Variants in IMMP2L observed in about 807,000 individuals in gnomAD.
IMMP2L encodes the protein inner mitochondrial membrane peptidase subunit 2.
Under a neutral mutation model 19.3 loss-of-function variants are expected in IMMP2L, and 18 were observed. The ratio of observed to expected loss-of-function variants is 0.93; its 90% CI spans 0.64 to 1.38. The LOEUF (loss-of-function observed/expected upper bound fraction) is 1.38, where lower values mean the gene tolerates loss of function less well. Ranked by LOEUF, IMMP2L falls within the 40% of genes most tolerant of loss-of-function variation. The pLI is 0.00. For missense variants in IMMP2L, 233 were observed against 218.2 expected (o/e 1.07, Z -0.43); for synonymous variants, 76 against 73.0 (o/e 1.04, Z -0.21).
At chr7:111,111,167 A>C (rs1379983497) in intron 3 of IMMP2L, among the ~76,000 whole-genome samples, 1 of 152,152 alleles carries the variant, frequency 6.6e-6, no homozygotes, top group African/African-American at 2.4e-5. Context: ...ATGCAAATTT[A>C]TAACCCTGTT....
intron 5 of IMMP2L, among the ~76,000 whole-genome samples, chr7:110,878,541 T>A (rs1343584212): frequency 7.2e-6 from 1 of 138,526 alleles, no homozygotes; most frequent in Admixed American, 7.5e-5. Flanking sequence ...CTTATTTTCA[T>A]CTACATTTTC....
intron 5 of IMMP2L, among the ~76,000 whole-genome samples, chr7:110,729,640 G>A (rs1435460585): frequency 6.6e-6 from 1 of 152,142 alleles, no homozygotes; most frequent in Non-Finnish European, 1.5e-5. Flanking sequence ...TCTGTCATAG[G>A]GACTTCACTA....
chr7:111,366,400 T>C (rs921092383), intron 3 of IMMP2L, among the ~76,000 whole-genome samples: 1 of 148,504 alleles, frequency 6.7e-6, no homozygotes, highest in African/African-American at 2.5e-5. Flanking sequence ...ATCAGTGTTA[T>C]AAAAGACAAA....
intron 3 of IMMP2L, among the ~76,000 whole-genome samples, chr7:111,421,331 G>T (rs1285448115): frequency 6.8e-6 from 1 of 146,362 alleles, no homozygotes; most frequent in Admixed American, 6.8e-5. Flanking sequence ...GTGCAGTGGC[G>T]CAATCTCGGC....
At chr7:110,965,664 C>A (rs1819464511) in intron 3 of IMMP2L, among the ~76,000 whole-genome samples, 1 of 151,826 alleles carries the variant, frequency 6.6e-6, no homozygotes, top group Admixed American at 6.6e-5. Context: ...TAGAAAAGTG[C>A]CCCTCCCATG....
chr7:111,038,843 G>A (rs1489647932), intron 3 of IMMP2L, among the ~76,000 whole-genome samples: 2 of 152,140 alleles, frequency 1.3e-5, no homozygotes, highest in Non-Finnish European at 2.9e-5. Flanking sequence ...TTAAAATCCA[G>A]GGAATTGAAT....
rs1449671469 is a variant in IMMP2L, at chr7:111,122,671, C to T, written c.240-159106G>A. On this transcript the variant is annotated intron_variant, in intron 3 of 5. Coordinates refer to ENST00000405709, the MANE Select transcript of IMMP2L (RefSeq NM_032549.4). ...TGGTTCTATGGCATTCATCATTTGA[C>T]AAATGCAAGCATCTTCCTTATCAAT... 1.2e-5 allele frequency: 11 copies of T among 910,950 alleles called. No individual in the cohort carries two copies. The South Asian group carries it at 1.9e-4, about 16-fold the overall frequency. The allele number at this position is 910,950 out of a possible 1,614,324, so 56.4% of individuals were successfully genotyped here.
intron 3 of IMMP2L, among the ~76,000 whole-genome samples, chr7:111,131,185 T>C (rs974311730): frequency 4.0e-5 from 6 of 151,660 alleles, no homozygotes; most frequent in Non-Finnish European, 7.4e-5. Flanking sequence ...AAACAATATA[T>C]TTTCCACACA....
At chr7:111,221,501 GAGAGAGAGAGAGCA>G (rs940418103) in intron 3 of IMMP2L, among the ~76,000 whole-genome samples, 85 of 151,048 alleles carry the variant, frequency 5.6e-4, no homozygotes, top group African/African-American at 1.8e-3. Flanking sequence ...TACTGAAACA[GAGAGAGAGAGAGCA>G]AGAGAGAGAG....
chr7:111,461,308 G>A (rs1489100770), intron 3 of IMMP2L, among the ~76,000 whole-genome samples: 1 of 151,868 alleles, frequency 6.6e-6, no homozygotes, highest in African/African-American at 2.4e-5. Context: ...GGAAGCAGAT[G>A]GGAGTTCCAA....
At chr7:111,186,209 A>G (rs1808246194) in intron 3 of IMMP2L, among the ~76,000 whole-genome samples, 1 of 151,162 alleles carries the variant, frequency 6.6e-6, no homozygotes, top group Non-Finnish European at 1.5e-5. Context: ...TGATGCAAAG[A>G]AAGGCTGTAA....
At chr7:110,813,796 T>C (rs1254679191) in intron 5 of IMMP2L, among the ~76,000 whole-genome samples, 1 of 151,884 alleles carries the variant, frequency 6.6e-6, no homozygotes, top group Non-Finnish European at 1.5e-5. Flanking sequence ...TAATTTAATA[T>C]TTATTAACTC....
chr7:111,471,705 T>C (rs1841288385), intron 3 of IMMP2L, among the ~76,000 whole-genome samples: 1 of 152,150 alleles, frequency 6.6e-6, no homozygotes, highest in Non-Finnish European at 1.5e-5. Context: ...ATCACATATA[T>C]GGCTCACGTT....
chr7:111,058,958 C>T (rs564310772), intron 3 of IMMP2L, among the ~76,000 whole-genome samples: 6 of 152,004 alleles, frequency 3.9e-5, no homozygotes, highest in Non-Finnish European at 5.9e-5. Flanking sequence ...TCCTTTCTCA[C>T]ATCTCTTTTT....
At chr7:110,915,249 GCGTGCACGCACACACA>G (rs1813480290) in intron 4 of IMMP2L, among the ~76,000 whole-genome samples, 1 of 141,972 alleles carries the variant, frequency 7.0e-6, no homozygotes, top group South Asian at 2.1e-4. Flanking sequence ...GCACGCGCGT[GCGTGCACGCACACACA>G]CACAAATATT....
chr7:111,056,139 T>C (rs982680212), intron 3 of IMMP2L, among the ~76,000 whole-genome samples: 1 of 152,230 alleles, frequency 6.6e-6, no homozygotes, highest in Non-Finnish European at 1.5e-5. Flanking sequence ...TATATTCATA[T>C]CTATTTAGCA....
intron 4 of IMMP2L, among the ~76,000 whole-genome samples, chr7:110,917,225 T>C (rs1813709938): frequency 6.6e-6 from 1 of 152,158 alleles, no homozygotes; most frequent in South Asian, 2.1e-4. Context: ...GAAGGGAATC[T>C]CTGGAGGGAG....
intron 5 of IMMP2L, among the ~76,000 whole-genome samples, chr7:110,756,212 T>C (rs538445814): frequency 1.3e-5 from 2 of 152,168 alleles, no homozygotes; most frequent in East Asian, 3.9e-4. Context: ...ACAAATAGTC[T>C]GCTCTGATTA....
chr7:111,335,075 C>T (rs749470587), intron 3 of IMMP2L, among the ~76,000 whole-genome samples: 1 of 152,150 alleles, frequency 6.6e-6, no homozygotes, highest in African/African-American at 2.4e-5. Flanking sequence ...GAGATTCACA[C>T]TTACCGATGC....
Sources: gnomAD v4.1 joint callset for allele counts (sites outside exome capture counted in the v4.1 genomes callset) on GRCh38, gnomAD v4.1.1 for gene constraint, MANE v1.5 for transcripts, NCBI Gene and HGNC (gene_info 2026-07-23, HGNC 2026-07-21) for gene names.